Variants in AGBL4 observed in about 807,000 individuals in gnomAD.
AGBL4 encodes AGBL carboxypeptidase 4.
A neutral mutation model predicts 66.4 loss-of-function variants in AGBL4; 58 were observed. That is an observed-to-expected ratio of 0.87 (90% confidence interval 0.71 to 1.09). The LOEUF (loss-of-function observed/expected upper bound fraction) is 1.09. Ranked by LOEUF, AGBL4 falls within the 50% of genes least tolerant of loss-of-function variation. AGBL4 has a pLI of 0.00. For synonymous variants in AGBL4, 234 were observed against 222.9 expected, an observed-to-expected ratio of 1.05 and a Z score of -0.44; for missense variants, 579 against 631.0, an observed-to-expected ratio of 0.92 and a Z score of 0.88.
At chr1:49,745,479 C>G (rs1650913636) in intron 2 of AGBL4, among the ~76,000 whole-genome samples, 1 of 151,884 alleles carries the variant, frequency 6.6e-6, no homozygotes, top group African/African-American at 2.4e-5. Context: ...AAGAGAAAAA[C>G]ATAGTATATA....
rs1410099357 is a variant in AGBL4 at position 49,380,176 on chromosome 1, C to T, written c.283-134312G>A. Among the ~76,000 whole-genome samples, 3 of 152,200 alleles carry T rather than the reference C, an allele frequency of 2.0e-5. No homozygotes were observed. In the East Asian group the frequency reaches 5.8e-4, roughly 29 times the overall value. ...AGTCTCAGGATACAAAATCAATGTA[C>T]AAAAATCACAAGCATTCTTATACAC... On this transcript the variant is annotated intron_variant, in intron 3 of 13. Transcript: ENST00000371839.
At chr1:49,720,602 T>C (rs1468012299) in intron 2 of AGBL4, among the ~76,000 whole-genome samples, 1 of 152,144 alleles carries the variant, frequency 6.6e-6, no homozygotes, top group Admixed American at 6.6e-5. Context: ...CCAACCCTTT[T>C]TAGCTGTGTA....
At chr1:49,987,470 G>A (rs538730527) in intron 1 of AGBL4, among the ~76,000 whole-genome samples, 1 of 152,028 alleles carries the variant, frequency 6.6e-6, no homozygotes, top group South Asian at 2.1e-4. Flanking sequence ...TCTTTTATCA[G>A]TACTCAGAAA....
chr1:49,768,978 A>G (rs1239267735), intron 2 of AGBL4, among the ~76,000 whole-genome samples: 3 of 152,012 alleles, frequency 2.0e-5, no homozygotes, highest in African/African-American at 4.8e-5. Context: ...CCTCCCAAGT[A>G]GCTGGGATTA....
chr1:48,549,640 A>T (rs1241374532), intron 11 of AGBL4, among the ~76,000 whole-genome samples: 1 of 152,140 alleles, frequency 6.6e-6, no homozygotes, highest in Non-Finnish European at 1.5e-5. Context: ...AGGATGAGGC[A>T]AGAAGATAAG....
intron 10 of AGBL4, among the ~76,000 whole-genome samples, chr1:48,590,001 AT>A (rs1432837421): frequency 6.6e-6 from 1 of 152,004 alleles, no homozygotes; most frequent in Non-Finnish European, 1.5e-5. Context: ...TAATCCCAGC[AT>A]TTTGGGAAGC....
chr1:49,718,280 A>G (rs1211151213), intron 2 of AGBL4, among the ~76,000 whole-genome samples: 1 of 151,814 alleles, frequency 6.6e-6, no homozygotes, highest in Non-Finnish European at 1.5e-5. Context: ...GCATCTCACC[A>G]TTTCTCTCTC....
intron 4 of AGBL4, among the ~76,000 whole-genome samples, chr1:49,105,804 C>A (rs1375362410): frequency 4.6e-5 from 7 of 152,166 alleles, no homozygotes; most frequent in Non-Finnish European, 1.0e-4. Context: ...GTATGGAAAA[C>A]TCTTAGCACA....
At chr1:49,630,096 T>G (rs1645541700) in intron 3 of AGBL4, among the ~76,000 whole-genome samples, 1 of 152,094 alleles carries the variant, frequency 6.6e-6, no homozygotes, top group Admixed American at 6.5e-5. Flanking sequence ...GTTAAACACC[T>G]CCAGCTGGTC....
intron 4 of AGBL4, among the ~76,000 whole-genome samples, chr1:49,140,241 C>T (rs1646092735): frequency 6.6e-6 from 1 of 152,188 alleles, no homozygotes; most frequent in African/African-American, 2.4e-5. Flanking sequence ...TTATGAGGTA[C>T]ATTCCCATAC....
chr1:49,565,089 T>C (rs974530708), intron 3 of AGBL4, among the ~76,000 whole-genome samples: 2 of 152,204 alleles, frequency 1.3e-5, no homozygotes, highest in Non-Finnish European at 2.9e-5. Flanking sequence ...TTGATCTTTG[T>C]TGGTTTAAAG....
chr1:48,724,227 C>T (rs1647194884), intron 6 of AGBL4, among the ~76,000 whole-genome samples: 2 of 152,174 alleles, frequency 1.3e-5, no homozygotes, highest in Non-Finnish European at 2.9e-5. Flanking sequence ...CTCCTAATAA[C>T]CCCATAACTA....
At chr1:48,663,127 A>G (rs1256621279) in intron 7 of AGBL4, 25 bp downstream of exon 7, 8 of 1,611,186 alleles carry the variant, frequency 5.0e-6, no homozygotes, top group Non-Finnish European at 6.8e-6. Flanking sequence ...TGGGTATAGG[A>G]TACCTATGAG....
At chr1:49,300,408 A>T (rs532738989) in intron 3 of AGBL4, among the ~76,000 whole-genome samples, 123 of 152,310 alleles carry the variant, frequency 8.1e-4, no homozygotes, top group African/African-American at 2.9e-3. Context: ...ACAAAACAAA[A>T]ACAGCCTAGA....
At chr1:49,284,876 G>C (rs1461858204) in intron 3 of AGBL4, among the ~76,000 whole-genome samples, 3 of 150,640 alleles carry the variant, frequency 2.0e-5, no homozygotes, top group Non-Finnish European at 3.0e-5. Context: ...CATAAAGCAA[G>C]TCCTGAGTGA....
At chr1:49,959,125 A>G (rs1656905386) in intron 1 of AGBL4, among the ~76,000 whole-genome samples, 1 of 151,860 alleles carries the variant, frequency 6.6e-6, no homozygotes, top group Non-Finnish European at 1.5e-5. Flanking sequence ...CTGTGAATGG[A>G]AAGGAAGGTC....
intron 6 of AGBL4, among the ~76,000 whole-genome samples, chr1:48,721,005 C>T (rs1413250342): frequency 6.7e-6 from 1 of 148,782 alleles, no homozygotes; most frequent in Non-Finnish European, 1.5e-5. Flanking sequence ...AAAAGAGGGA[C>T]AAGGATGAGT....
chr1:48,909,125 A>C (rs1652867075), intron 5 of AGBL4, among the ~76,000 whole-genome samples: 1 of 152,190 alleles, frequency 6.6e-6, no homozygotes, highest in African/African-American at 2.4e-5. Context: ...TTAGGCTACT[A>C]AATAAAATAG....
intron 2 of AGBL4, among the ~76,000 whole-genome samples, chr1:49,734,353 A>T (rs1335810478): frequency 6.6e-6 from 1 of 152,046 alleles, no homozygotes; most frequent in Non-Finnish European, 1.5e-5. Context: ...AGAAAAAAGT[A>T]AAAATGTTCC....
Sources: allele counts gnomAD v4.1 joint callset (sites outside exome capture counted in the v4.1 genomes callset), GRCh38; gene constraint gnomAD v4.1.1; transcripts MANE v1.5; gene names NCBI Gene and HGNC (gene_info 2026-07-23, HGNC 2026-07-21).